ZC3H3: variants seen among roughly 807,000 people sequenced by gnomAD.
The protein encoded by ZC3H3 is zinc finger CCCH domain-containing protein 3.
In ZC3H3, 36 loss-of-function variants were observed where a neutral mutation model predicts 77.3. The ratio of observed to expected loss-of-function variants is 0.47; its 90% CI spans 0.36 to 0.61. ZC3H3 has a LOEUF of 0.61. ZC3H3 is among the 20% of genes least tolerant of loss of function. The pLI, the probability that ZC3H3 is intolerant of heterozygous loss-of-function variation, is 0.00. For synonymous variants in ZC3H3, 626 were observed against 555.2 expected (o/e 1.13, Z -1.79); for missense variants, 1,331 against 1,312.2 (o/e 1.01, Z -0.22).
intron 2 of ZC3H3, among the ~76,000 whole-genome samples, chr8:143,537,312 G>A (rs1016622915): frequency 6.6e-6 from 1 of 152,192 alleles, no homozygotes; most frequent in African/African-American, 2.4e-5. Flanking sequence ...CTCGCCCTGG[G>A]ACCAAAGGCC....
At chr8:143,470,701 C>T (rs555962707) in intron 5 of ZC3H3, among the ~76,000 whole-genome samples, 1 of 152,362 alleles carries the variant, frequency 6.6e-6, no homozygotes, top group African/African-American at 2.4e-5. Context: ...CCTCCCTTTC[C>T]ACTTTGTGCT....
intron 3 of ZC3H3, among the ~76,000 whole-genome samples, chr8:143,527,486 G>A (rs928164564): frequency 2.6e-5 from 4 of 152,106 alleles, no homozygotes; most frequent in African/African-American, 9.7e-5. Flanking sequence ...GCACACACGC[G>A]ATCCCACGCC....
chr8:143,513,591 C>T (rs1398284992), intron 3 of ZC3H3, among the ~76,000 whole-genome samples: 1 of 152,240 alleles, frequency 6.6e-6, no homozygotes, highest in East Asian at 1.9e-4. Flanking sequence ...GCCCTGGGCT[C>T]TTGCATTTCA....
rs768485909 is a variant in ZC3H3, at chr8:143,539,070, C to T, written c.297G>A (p.Arg99=). 1 of 1,612,868 alleles carries T rather than the reference C, an allele frequency of 6.2e-7. No homozygotes were observed. Among genetic ancestry groups the T allele is most frequent in the East Asian group, 2.2e-5 (1 of 44,882 alleles). ...DHAVRPLHGA[R]GGQPPVPQQH... ...GCTGCGGGACAGGAGGCTGGCCCCCCCGGGCCCCGTGCAACGGCCGCACAG... is the reference window on the plus strand; with the variant it reads ...GCTGCGGGACAGGAGGCTGGCCCCCTCGGGCCCCGTGCAACGGCCGCACAG... The change falls in exon 2 of 12, where the codon CGG becomes CGA. Residue 99 remains arginine, a synonymous_variant. Coordinates refer to ENST00000262577, the MANE Select transcript of ZC3H3 (RefSeq NM_015117.3).
intron 4 of ZC3H3, among the ~76,000 whole-genome samples, chr8:143,498,224 C>G (rs987243018): frequency 2.6e-5 from 4 of 152,204 alleles, no homozygotes; most frequent in Non-Finnish European, 2.9e-5. Context: ...GCCACAAAAC[C>G]CCATAGACTC....
intron 4 of ZC3H3, among the ~76,000 whole-genome samples, chr8:143,492,151 C>T (rs574477573): frequency 6.6e-6 from 1 of 152,188 alleles, no homozygotes; most frequent in Non-Finnish European, 1.5e-5. Context: ...AGGGTGGAGG[C>T]CTAAGAGGCA....
Position 143,464,491 on chromosome 8 carries a change from T to C in ZC3H3, c.2307+1226A>G, listed in dbSNP as rs573846133. 6.6e-5 allele frequency among the ~76,000 whole-genome samples: 10 copies of C among 151,934 alleles called. No individual in the cohort carries two copies. The East Asian group carries it at 1.8e-3, about 27-fold the overall frequency. On this transcript the variant is annotated intron_variant, in intron 9 of 11. Transcript: ENST00000262577. ...GGGAAGTGGGTGTGAGGACTGAGGATGAGGGAGAGGATGCTTGGGAAGGGC... is the reference window on the plus strand; with the variant it reads ...GGGAAGTGGGTGTGAGGACTGAGGACGAGGGAGAGGATGCTTGGGAAGGGC...
chr8:143,438,120 A>G, intron 11 of ZC3H3, 33 bp from the exon 12 acceptor site: 2 of 1,595,840 alleles, frequency 1.3e-6, no homozygotes, highest in Non-Finnish European at 1.7e-6. Flanking sequence ...AGGTGCCCGG[A>G]AACCCCTGGA....
At chr8:143,438,481 GAC>G (rs1178409214) in intron 11 of ZC3H3, among the ~76,000 whole-genome samples, 2 of 152,212 alleles carry the variant, frequency 1.3e-5, no homozygotes, top group East Asian at 1.9e-4. Context: ...GAGGCTGCCA[GAC>G]ACACGAGGCG....
At chr8:143,490,991 GGCGGCACCCAGGTAGC>G (rs1019818312) in intron 4 of ZC3H3, among the ~76,000 whole-genome samples, 1 of 152,212 alleles carries the variant, frequency 6.6e-6, no homozygotes, top group African/African-American at 2.4e-5. Flanking sequence ...TATTTAAAAC[GGCGGCACCCAGGTAGC>G]GCCGGGTGAC....
At chr8:143,486,481 T>TG in intron 4 of ZC3H3, among the ~76,000 whole-genome samples, 1 of 152,364 alleles carries the variant, frequency 6.6e-6, no homozygotes, top group South Asian at 2.1e-4. Flanking sequence ...TTAGTCCTAG[T>TG]GGATCAGGGC....
At position 143,493,334 on chromosome 8, in the gene ZC3H3, G is replaced by A. The variant is rs1229962220; in HGVS notation, c.1715+14412C>T. ...CCCTTTGTCCGGAAAAAGTCCCAGA[G>A]GATCAGCGGTGTCCCTCAGGGACAT... is the stretch of plus-strand genomic sequence containing the variant. On this transcript the variant is annotated intron_variant, in intron 4 of 11. Coordinates refer to ENST00000262577, the MANE Select transcript of ZC3H3 (RefSeq NM_015117.3). This position sits in a 1 kb window ranked among gnomAD's most constrained non-coding sequence, Gnocchi z 4.8. Among the ~76,000 whole-genome samples, 3 of 152,222 alleles carry A rather than the reference G, an allele frequency of 2.0e-5. No homozygotes were observed. The highest frequency in any genetic ancestry group is 2.4e-5 in the African/African-American group (1 of 41,450).
intron 4 of ZC3H3, among the ~76,000 whole-genome samples, chr8:143,496,482 G>A (rs1458601303): frequency 1.3e-5 from 2 of 152,226 alleles, no homozygotes; most frequent in Non-Finnish European, 2.9e-5. Context: ...CACCAGCCAA[G>A]GCTGGGACCA....
chr8:143,463,882 A>G (rs888659260), intron 9 of ZC3H3, among the ~76,000 whole-genome samples: 5 of 152,256 alleles, frequency 3.3e-5, no homozygotes, highest in Non-Finnish European at 5.9e-5. Context: ...TGGCCCCCCA[A>G]AAGGGGAAGG....
chr8:143,491,910 T>G (rs1057103198), intron 4 of ZC3H3, among the ~76,000 whole-genome samples: 3 of 152,120 alleles, frequency 2.0e-5, no homozygotes, highest in African/African-American at 7.2e-5. Flanking sequence ...GCCTCCCTCT[T>G]TGCTAGGAAG....
intron 9 of ZC3H3, 98 bp from the exon 10 acceptor site, chr8:143,441,218 C>CGGAGCCTAT: frequency 7.8e-7 from 1 of 1,276,906 alleles, no homozygotes; most frequent in Non-Finnish European, 1.0e-6. Context: ...CGAGTACCCA[C>CGGAGCCTAT]GGGGCCCCAT....
At chr8:143,540,018 CCCA>C (rs1369705612) in intron 1 of ZC3H3, among the ~76,000 whole-genome samples, 1 of 152,176 alleles carries the variant, frequency 6.6e-6, no homozygotes, top group African/African-American at 2.4e-5. Context: ...TCAGCATTCC[CCCA>C]CCACAGGCCC....
intron 9 of ZC3H3, among the ~76,000 whole-genome samples, chr8:143,456,276 A>G (rs1019886433): frequency 6.6e-6 from 1 of 152,224 alleles, no homozygotes; most frequent in Non-Finnish European, 1.5e-5. Context: ...AAACAAAATA[A>G]ATCAAATGAT....
intron 9 of ZC3H3, among the ~76,000 whole-genome samples, chr8:143,453,558 A>G (rs929587164): frequency 6.6e-6 from 1 of 152,214 alleles, no homozygotes; most frequent in African/African-American, 2.4e-5. Flanking sequence ...AGGGGAAATC[A>G]AGACATTCTC....
Sources: gnomAD v4.1 joint callset for allele counts (sites outside exome capture counted in the v4.1 genomes callset) on GRCh38, gnomAD v4.1.1 for gene constraint, Gnocchi (gnomAD v3.1) non-coding constraint, MANE v1.5 for transcripts, NCBI Gene and HGNC (gene_info 2026-07-23, HGNC 2026-07-21) for gene names.